Variants in VPS13A observed in about 807,000 individuals in gnomAD.
VPS13A encodes the protein vacuolar protein sorting 13 homolog A.
Under a neutral mutation model 390.9 loss-of-function variants are expected in VPS13A, and 264 were observed. The ratio of observed to expected loss-of-function variants is 0.68; its 90% CI spans 0.61 to 0.75. The LOEUF is 0.75. VPS13A is among the 30% of genes least tolerant of loss of function. The pLI is 0.00. For synonymous variants in VPS13A, 1,231 were observed against 1,227.1 expected (o/e 1.00, Z -0.07); for missense variants, 3,409 against 3,733.9 (o/e 0.91, Z 2.27).
At chr9:77,213,887 G>C (rs777064474) in intron 9 of VPS13A, among the ~76,000 whole-genome samples, 1 of 151,704 alleles carries the variant, frequency 6.6e-6, no homozygotes, top group Non-Finnish European at 1.5e-5. Flanking sequence ...TTAATATTTT[G>C]CCATAGCTAA....
In VPS13A at chr9:77,370,556, G is replaced by A. The variant is rs138767500; in HGVS notation, c.8885G>A (p.Arg2962His). 5.6e-6 allele frequency: 9 copies of A among 1,614,136 alleles called. No individual in the cohort carries two copies. Among genetic ancestry groups the A allele is most frequent in the African/African-American group, 1.3e-5 (1 of 75,022 alleles). Reference sequence around the variant, plus strand: ...GCTGGTTTTAGAGAAGGCATCACTCGTGGAGGAAAAGGCTTAGTTTCTGTA... The same window carrying A: ...GCTGGTTTTAGAGAAGGCATCACTCATGGAGGAAAAGGCTTAGTTTCTGTA... ...QPAGFREGIT[R>H]GGKGLVSGFV... The change falls in exon 65 of 72, where the codon CGT becomes CAT. Residue 2962 changes from arginine (R) to histidine (H), a missense_variant. Coordinates refer to ENST00000360280, the MANE Select transcript of VPS13A (RefSeq NM_033305.3).
At chr9:77,280,056 A>G (rs879212863) in intron 26 of VPS13A, 103 bp from the exon 27 acceptor site, 13 of 843,954 alleles carry the variant, frequency 1.5e-5, no homozygotes, top group African/African-American at 3.4e-5. Context: ...CAGAACTCAT[A>G]TAGGAAAGCC....
intron 46 of VPS13A, among the ~76,000 whole-genome samples, chr9:77,333,770 AT>A: frequency 6.6e-6 from 1 of 152,264 alleles, no homozygotes; most frequent in East Asian, 1.9e-4. Context: ...ATACAGATAA[AT>A]ATAGATGCAG....
chr9:77,210,725 C>T, intron 7 of VPS13A, 50 bp downstream of exon 7: 1 of 1,546,966 alleles, frequency 6.5e-7, no homozygotes, highest in South Asian at 1.1e-5. Flanking sequence ...GCAATATAGT[C>T]TATTAAACTG....
intron 46 of VPS13A, among the ~76,000 whole-genome samples, chr9:77,332,560 A>C (rs1003922736): frequency 1.3e-5 from 2 of 151,726 alleles, no homozygotes; most frequent in African/African-American, 4.8e-5. Flanking sequence ...TTGTAATATA[A>C]ATAGAAGTAT....
At chr9:77,228,360 A>G (rs1400257995) in intron 17 of VPS13A, 96 bp downstream of exon 17, 27 of 1,172,662 alleles carry the variant, frequency 2.3e-5, no homozygotes, top group African/African-American at 7.8e-5. Flanking sequence ...AAAGAGCACT[A>G]TAGTTTCATA....
intron 37 of VPS13A, 61 bp from the exon 38 acceptor site, chr9:77,315,192 C>G (rs1202886208): frequency 1.3e-5 from 18 of 1,431,876 alleles, no homozygotes; most frequent in Non-Finnish European, 1.7e-5. Context: ...GAGTTTTACT[C>G]ATATGTTTGA....
intron 19 of VPS13A, among the ~76,000 whole-genome samples, chr9:77,242,248 T>G (rs1408891908): frequency 6.6e-6 from 1 of 152,194 alleles, no homozygotes; most frequent in Non-Finnish European, 1.5e-5. Flanking sequence ...TCTGTCATTT[T>G]CCTTTGTTCT....
intron 35 of VPS13A, among the ~76,000 whole-genome samples, chr9:77,313,530 G>A (rs889376824): frequency 5.9e-5 from 9 of 152,254 alleles, no homozygotes; most frequent in African/African-American, 2.2e-4. Flanking sequence ...TGCATATAAT[G>A]CCTTGATTCA....
At chr9:77,224,347 T>C (rs899674568) in intron 13 of VPS13A, among the ~76,000 whole-genome samples, 13 of 152,198 alleles carry the variant, frequency 8.5e-5, no homozygotes, top group Admixed American at 6.5e-4. Context: ...TAGGCAGCTA[T>C]CATTCCTCTG....
At chr9:77,307,704 C>T (rs977666083) in intron 34 of VPS13A, among the ~76,000 whole-genome samples, 1 of 152,094 alleles carries the variant, frequency 6.6e-6, no homozygotes, top group Admixed American at 6.6e-5. Context: ...ACATTAATAA[C>T]AAATAGTTCT....
intron 71 of VPS13A, among the ~76,000 whole-genome samples, chr9:77,411,612 G>A (rs536906560): frequency 6.5e-4 from 87 of 133,972 alleles, no homozygotes; most frequent in African/African-American, 2.2e-3. Context: ...GCAATCAGCC[G>A]AGATGGCGCC....
chr9:77,274,136 A>G (rs555251722), intron 24 of VPS13A, among the ~76,000 whole-genome samples: 24 of 152,284 alleles, frequency 1.6e-4, no homozygotes, highest in African/African-American at 5.8e-4. Flanking sequence ...TGAACAGAAA[A>G]TGACAAGGAC....
chr9:77,211,157 A>C (rs1172983968), intron 7 of VPS13A: 1 of 156,150 alleles, frequency 6.4e-6, no homozygotes, highest in Non-Finnish European at 1.4e-5. Flanking sequence ...GATGGCTGTT[A>C]AATTAAGAGC....
At chr9:77,217,926 C>G (rs1448491036) in intron 10 of VPS13A, among the ~76,000 whole-genome samples, 6 of 151,800 alleles carry the variant, frequency 4.0e-5, no homozygotes, top group African/African-American at 1.5e-4. Context: ...GATTTACATT[C>G]CCACCAACAG....
In VPS13A at chr9:77,369,382, T is replaced by G; in HGVS notation, c.8637T>G (p.Gly2879=). The G allele has an allele frequency of 1.2e-6, 2 of 1,613,038 alleles. No homozygotes were observed. The highest frequency in any genetic ancestry group is 1.1e-5 in the South Asian group (1 of 91,058). The change falls in exon 63 of 72, where the codon GGT becomes GGG. Residue 2879 remains glycine (G), a synonymous_variant. Transcript: ENST00000360280. Reference sequence around the variant, plus strand: ...GCTTAATTAGAGAATTTTCTGAAGGTGTAGAAGCATTTTTTTATGAACCTT... The same window carrying G: ...GCTTAATTAGAGAATTTTCTGAAGGGGTAGAAGCATTTTTTTATGAACCTT... The part of the protein sequence containing the change: ...PFGLIREFSE[G]VEAFFYEPYQ...
At chr9:77,336,579 A>T (rs1418153218) in intron 46 of VPS13A, among the ~76,000 whole-genome samples, 2 of 152,014 alleles carry the variant, frequency 1.3e-5, no homozygotes, top group Non-Finnish European at 2.9e-5. Flanking sequence ...TTTTAGGCCC[A>T]TGTATCCAGA....
intron 68 of VPS13A, among the ~76,000 whole-genome samples, chr9:77,388,381 G>A (rs985982411): frequency 2.0e-5 from 3 of 152,110 alleles, no homozygotes; most frequent in Non-Finnish European, 4.4e-5. Flanking sequence ...GAACTAATTA[G>A]AATAATTTAT....
rs1831595650 is a variant in VPS13A, at chr9:77,353,575, A to G, written c.7586A>G (p.Gln2529Arg). ...LAEQEIAVAL[Q>R]DVGISLVNNY... Reference sequence around the variant, plus strand: ...GAGCAAGAAATTGCAGTGGCATTACAAGATGTTGGAATTTCTCTTGTCAAC... The same window carrying G: ...GAGCAAGAAATTGCAGTGGCATTACGAGATGTTGGAATTTCTCTTGTCAAC... The change falls in exon 54 of 72, where the codon CAA becomes CGA. Residue 2529 changes from glutamine (Q) to arginine (R), a missense_variant. Physicochemically the swap from Gln to Arg is conservative, Grantham distance 43 (BLOSUM62 1). Coordinates refer to ENST00000360280, the MANE Select transcript of VPS13A (RefSeq NM_033305.3). 6.2e-7 allele frequency: 1 copy of G among 1,613,568 alleles called. No homozygotes were observed. The highest frequency in any genetic ancestry group is 8.5e-7 in the Non-Finnish European group (1 of 1,179,632).
Sources: allele counts gnomAD v4.1 joint callset (sites outside exome capture counted in the v4.1 genomes callset), GRCh38; gene constraint gnomAD v4.1.1; transcripts MANE v1.5; gene names NCBI Gene and HGNC (gene_info 2026-07-23, HGNC 2026-07-21).